The following ABCB1 variants were observed in gnomAD, a reference collection of about 807,000 sequenced individuals.
ABCB1 encodes ATP-dependent translocase ABCB1.
In ABCB1, 69 loss-of-function variants were observed where a neutral mutation model predicts 142.0. That is an observed-to-expected ratio of 0.49 (90% confidence interval 0.40 to 0.59). The LOEUF (loss-of-function observed/expected upper bound fraction) is 0.59, where lower values mean the gene tolerates loss of function less well. Among genes scored for constraint, ABCB1 ranks in the 20% least tolerant of loss-of-function variants. The pLI, the probability that ABCB1 is intolerant of heterozygous loss-of-function variation, is 0.00. For synonymous variants in ABCB1, 532 were observed against 539.2 expected, an observed-to-expected ratio of 0.99 and a Z score of 0.18; for missense variants, 1,326 against 1,554.7, an observed-to-expected ratio of 0.85 and a Z score of 2.47.
chr7:87,504,903 T>C (rs1814665665), intron 27 of ABCB1, among the ~76,000 whole-genome samples: 1 of 152,146 alleles, frequency 6.6e-6, no homozygotes, highest in Non-Finnish European at 1.5e-5. Flanking sequence ...ACAAAGGATT[T>C]GTCATATCAG....
intron 1 of ABCB1, among the ~76,000 whole-genome samples, chr7:87,638,878 C>A (rs1822121556): frequency 6.6e-6 from 1 of 152,082 alleles, no homozygotes; most frequent in Admixed American, 6.6e-5. Context: ...GTCGGCTGGG[C>A]ATGGTGGCTC....
chr7:87,566,712 A>T, intron 6 of ABCB1, 73 bp downstream of exon 6: 3 of 1,424,990 alleles, frequency 2.1e-6, no homozygotes, highest in African/African-American at 2.8e-5. Context: ...CTCCTAACAG[A>T]TGTGATGACA....
At chr7:87,678,181 A>G (rs1826569806) in intron 1 of ABCB1, among the ~76,000 whole-genome samples, 1 of 152,142 alleles carries the variant, frequency 6.6e-6, no homozygotes, top group African/African-American at 2.4e-5. Flanking sequence ...TTTCAATATG[A>G]CTACTCAAGC....
At chr7:87,620,296 A>G (rs1820179090) in intron 1 of ABCB1, among the ~76,000 whole-genome samples, 1 of 152,054 alleles carries the variant, frequency 6.6e-6, no homozygotes, top group African/African-American at 2.4e-5. Context: ...AGTAGCTGGG[A>G]CTACAGGCGC....
intron 25 of ABCB1, among the ~76,000 whole-genome samples, chr7:87,513,843 A>T (rs1563028515): frequency 6.6e-6 from 1 of 152,166 alleles, no homozygotes; most frequent in Non-Finnish European, 1.5e-5. Flanking sequence ...ACAATCTTTA[A>T]CACACCACTT....
chr7:87,528,183 T>A (rs1043828234), intron 21 of ABCB1, among the ~76,000 whole-genome samples: 1 of 151,980 alleles, frequency 6.6e-6, no homozygotes, highest in Non-Finnish European at 1.5e-5. Context: ...CCATTCAAGG[T>A]GAGATTTGGA....
At chr7:87,522,026 G>A (rs893600300) in intron 21 of ABCB1, 17 of 934,554 alleles carry the variant, frequency 1.8e-5, no homozygotes, top group South Asian at 6.4e-5. Flanking sequence ...GATGGTGAGT[G>A]CTTCATCCAG....
chr7:87,665,698 C>T (rs1441667195), intron 1 of ABCB1, among the ~76,000 whole-genome samples: 2 of 152,086 alleles, frequency 1.3e-5, no homozygotes, highest in Admixed American at 1.3e-4. Flanking sequence ...TCTCACCCTT[C>T]ACTCTCAAGT....
intron 21 of ABCB1, among the ~76,000 whole-genome samples, chr7:87,526,612 C>T (rs144607397): frequency 6.6e-6 from 1 of 152,190 alleles, no homozygotes; most frequent in East Asian, 1.9e-4. Context: ...CACTTCAATA[C>T]CTTTGATGTT....
intron 8 of ABCB1, among the ~76,000 whole-genome samples, chr7:87,559,093 T>G (rs543799225): frequency 6.6e-6 from 1 of 152,252 alleles, no homozygotes; most frequent in African/African-American, 2.4e-5. Flanking sequence ...CCCCATAAAA[T>G]GAACTCACAA....
intron 1 of ABCB1, among the ~76,000 whole-genome samples, chr7:87,612,595 T>A (rs1819890610): frequency 6.6e-6 from 1 of 152,080 alleles, no homozygotes; most frequent in Non-Finnish European, 1.5e-5. Flanking sequence ...ATTTCTGGGG[T>A]CTCTATTCTG....
At chr7:87,570,042 A>T (rs1225638198) in intron 5 of ABCB1, 130 bp downstream of exon 5, 23 of 825,040 alleles carry the variant, frequency 2.8e-5, no homozygotes, top group Non-Finnish European at 6.0e-6. Flanking sequence ...GTCTACATAT[A>T]CTCTTCTAAA....
intron 1 of ABCB1, among the ~76,000 whole-genome samples, chr7:87,652,958 T>C (rs1823733430): frequency 6.6e-6 from 1 of 152,014 alleles, no homozygotes; most frequent in Non-Finnish European, 1.5e-5. Flanking sequence ...GTTTTCAACA[T>C]TAAACTTTTC....
intron 4 of ABCB1, among the ~76,000 whole-genome samples, chr7:87,570,433 T>C (rs1031250572): frequency 6.6e-6 from 1 of 152,224 alleles, no homozygotes; most frequent in Non-Finnish European, 1.5e-5. Context: ...AACTCAGTGA[T>C]GTTTATTTGC....
intron 1 of ABCB1, among the ~76,000 whole-genome samples, chr7:87,693,010 T>G (rs1344664346): frequency 6.6e-6 from 1 of 152,184 alleles, no homozygotes; most frequent in Non-Finnish European, 1.5e-5. Flanking sequence ...CTCTATGTGT[T>G]TGTCTTTTAT....
chr7:87,545,147 T>C, intron 15 of ABCB1, 148 bp from the exon 16 acceptor site: 1 of 659,304 alleles, frequency 1.5e-6, no homozygotes, highest in Admixed American at 2.7e-5. Context: ...TTGTTTTATG[T>C]GTGTCTGTGT....
chr7:87,628,196 T>G (rs1820793498), intron 1 of ABCB1, among the ~76,000 whole-genome samples: 3 of 152,206 alleles, frequency 2.0e-5, no homozygotes. Flanking sequence ...GTGTGGCTAC[T>G]GGCGGCAGCT....
intron 1 of ABCB1, among the ~76,000 whole-genome samples, chr7:87,703,901 T>TGG (rs1829334217): frequency 8.8e-6 from 1 of 113,328 alleles, no homozygotes; most frequent in Non-Finnish European, 1.9e-5. Flanking sequence ...TTTTTTTTTT[T>TGG]TTTTTTTTTT....
chr7:87,595,883 A>G (rs1819185523), intron 2 of ABCB1, 69 bp from the exon 3 acceptor site: 4 of 1,195,390 alleles, frequency 3.3e-6, no homozygotes, highest in Admixed American at 3.5e-5. Context: ...CCAAATTAAC[A>G]TAGAATGTAT....
Sources: gnomAD v4.1 joint callset for allele counts (sites outside exome capture counted in the v4.1 genomes callset) on GRCh38, gnomAD v4.1.1 for gene constraint, MANE v1.5 for transcripts, NCBI Gene and HGNC (gene_info 2026-07-23, HGNC 2026-07-21) for gene names.